Variants in EXOC6B observed in about 807,000 individuals in gnomAD.
EXOC6B encodes SEC15 homolog B.
EXOC6B carries 54 observed loss-of-function variants against 113.5 expected under a neutral mutation model. The ratio of observed to expected loss-of-function variants is 0.48; its 90% CI spans 0.38 to 0.60. The LOEUF (loss-of-function observed/expected upper bound fraction) is 0.60. Among genes scored for constraint, EXOC6B ranks in the 20% least tolerant of loss-of-function variants. The pLI is 0.00. For missense variants in EXOC6B, 797 were observed against 977.5 expected, an observed-to-expected ratio of 0.82 and a Z score of 2.46; for synonymous variants, 357 against 339.0, an observed-to-expected ratio of 1.05 and a Z score of -0.58.
intron 17 of EXOC6B, among the ~76,000 whole-genome samples, chr2:72,469,766 T>C (rs1698281334): frequency 6.6e-6 from 1 of 152,108 alleles, no homozygotes; most frequent in Non-Finnish European, 1.5e-5. Flanking sequence ...ATTCACTTGA[T>C]GGATGGTGTC....
intron 17 of EXOC6B, among the ~76,000 whole-genome samples, chr2:72,467,546 T>C (rs1186694650): frequency 1.3e-5 from 2 of 152,170 alleles, no homozygotes; most frequent in East Asian, 1.9e-4. Context: ...TCATATATCA[T>C]TGTGGTTTTA....
chr2:72,316,881 G>C (rs1430744786), intron 20 of EXOC6B, among the ~76,000 whole-genome samples: 1 of 152,204 alleles, frequency 6.6e-6, no homozygotes, highest in African/African-American at 2.4e-5. Flanking sequence ...GATGACATTT[G>C]AGCCAAGCTG....
intron 1 of EXOC6B, among the ~76,000 whole-genome samples, chr2:72,776,151 T>C (rs916346778): frequency 6.6e-6 from 1 of 152,068 alleles, no homozygotes; most frequent in African/African-American, 2.4e-5. Context: ...TATAACTGTA[T>C]GTGAAACTGC....
chr2:72,234,173 G>A lies in EXOC6B; in HGVS notation c.2197-49986C>T, dbSNP rs568092739. On this transcript the variant is annotated intron_variant, in intron 20 of 21. Coordinates refer to ENST00000272427, the MANE Select transcript of EXOC6B (RefSeq NM_015189.3). ...GCAATCTCAGCTCACTGCAACCTCC[G>A]TCCCCCCGGTTTAAGCAATTCTCTG... Among the ~76,000 whole-genome samples, 503 of 146,988 alleles carry A rather than the reference G, an allele frequency of 3.4e-3. 3 individuals are homozygous for A. The highest frequency in any genetic ancestry group is 0.012 in the African/African-American group (470 of 39,024).
intron 11 of EXOC6B, among the ~76,000 whole-genome samples, chr2:72,512,535 CA>C (rs1399566100): frequency 1.3e-5 from 2 of 151,838 alleles, no homozygotes; most frequent in African/African-American, 4.8e-5. Flanking sequence ...TAAAATATAT[CA>C]ATAGATCATG....
chr2:72,694,356 C>T (rs1677715160), intron 6 of EXOC6B, among the ~76,000 whole-genome samples: 1 of 152,094 alleles, frequency 6.6e-6, no homozygotes, highest in Non-Finnish European at 1.5e-5. Flanking sequence ...GCAGGAGAAT[C>T]GCTTGACCCT....
chr2:72,455,795 C>G (rs1386799781), intron 18 of EXOC6B, among the ~76,000 whole-genome samples: 1 of 151,816 alleles, frequency 6.6e-6, no homozygotes, highest in African/African-American at 2.4e-5. Flanking sequence ...TACATATATA[C>G]ATGGGTGTAT....
intron 20 of EXOC6B, among the ~76,000 whole-genome samples, chr2:72,235,924 G>T (rs1187748265): frequency 6.6e-6 from 1 of 151,966 alleles, no homozygotes; most frequent in African/African-American, 2.4e-5. Context: ...CCCTTCAAGG[G>T]CACTATAAAC....
At chr2:72,812,753 T>C (rs1685992282) in intron 1 of EXOC6B, among the ~76,000 whole-genome samples, 1 of 151,940 alleles carries the variant, frequency 6.6e-6, no homozygotes, top group African/African-American at 2.4e-5. Context: ...AAACATTAGC[T>C]AAAACTTTTG....
chr2:72,734,144 T>A (rs1353233614), intron 2 of EXOC6B, among the ~76,000 whole-genome samples: 5 of 152,184 alleles, frequency 3.3e-5, no homozygotes. Flanking sequence ...CTCAAGGAGC[T>A]AGTTTTTTAA....
At chr2:72,654,667 T>A (rs1431904201) in intron 6 of EXOC6B, among the ~76,000 whole-genome samples, 1 of 152,206 alleles carries the variant, frequency 6.6e-6, no homozygotes, top group Non-Finnish European at 1.5e-5. Flanking sequence ...CTTTTCCTGA[T>A]GATAAAACTT....
intron 20 of EXOC6B, among the ~76,000 whole-genome samples, chr2:72,304,690 TCTTCATGGTATGAAAAGGTTA>T (rs1189648112): frequency 1.3e-5 from 2 of 152,192 alleles, no homozygotes; most frequent in African/African-American, 4.8e-5. Flanking sequence ...TAAAAAATAC[TCTTCATGGTATGAAAAGGTTA>T]GTTAACTGTG....
chr2:72,217,845 C>T (rs1680633312), intron 20 of EXOC6B, among the ~76,000 whole-genome samples: 1 of 152,134 alleles, frequency 6.6e-6, no homozygotes, highest in Non-Finnish European at 1.5e-5. Flanking sequence ...TATGCCTCAA[C>T]TTGGACAGGA....
At chr2:72,556,003 C>T (rs1352716059) in intron 8 of EXOC6B, among the ~76,000 whole-genome samples, 1 of 152,176 alleles carries the variant, frequency 6.6e-6, no homozygotes, top group Non-Finnish European at 1.5e-5. Flanking sequence ...CCTTGAAGAA[C>T]TATAGCAGAA....
intron 1 of EXOC6B, among the ~76,000 whole-genome samples, chr2:72,815,949 A>T (rs1353314828): frequency 6.6e-6 from 1 of 152,206 alleles, no homozygotes; most frequent in African/African-American, 2.4e-5. Flanking sequence ...ATTTGAGGTC[A>T]GGAGCTCAAA....
intron 20 of EXOC6B, among the ~76,000 whole-genome samples, chr2:72,322,087 T>C (rs1687872742): frequency 6.7e-6 from 1 of 150,204 alleles, no homozygotes; most frequent in African/African-American, 2.5e-5. Flanking sequence ...CTAGGGAAAA[T>C]AAAAAATATA....
intron 13 of EXOC6B, among the ~76,000 whole-genome samples, chr2:72,497,177 T>C (rs1036063572): frequency 2.6e-5 from 4 of 151,944 alleles, no homozygotes; most frequent in Middle Eastern, 3.2e-3. Context: ...TCTTGCTATG[T>C]TGTCCAGGAT....
intron 1 of EXOC6B, among the ~76,000 whole-genome samples, chr2:72,795,595 TA>T (rs1434821799): frequency 1.3e-5 from 2 of 151,580 alleles, no homozygotes; most frequent in Non-Finnish European, 2.9e-5. Context: ...AGAAAGAAAA[TA>T]AAATAAAACA....
intron 1 of EXOC6B, among the ~76,000 whole-genome samples, chr2:72,814,509 T>C (rs1343254075): frequency 6.6e-6 from 1 of 152,228 alleles, no homozygotes; most frequent in Admixed American, 6.5e-5. Flanking sequence ...ATATGTATTA[T>C]CATAAATCAA....
Sources: gnomAD v4.1 joint callset for allele counts (sites outside exome capture counted in the v4.1 genomes callset) on GRCh38, gnomAD v4.1.1 for gene constraint, MANE v1.5 for transcripts, NCBI Gene and HGNC (gene_info 2026-07-23, HGNC 2026-07-21) for gene names.